The following PARD3B variants were observed in gnomAD, a reference collection of about 807,000 sequenced individuals.
The protein encoded by PARD3B is partitioning defective 3 homolog B.
PARD3B carries 103 observed loss-of-function variants against 130.2 expected under a neutral mutation model. That is an observed-to-expected ratio of 0.79 (90% confidence interval 0.67 to 0.93). The LOEUF (loss-of-function observed/expected upper bound fraction) is 0.93, where lower values mean the gene tolerates loss of function less well. PARD3B is among the 40% of genes least tolerant of loss of function. The pLI is 0.00. For missense variants in PARD3B, 1,609 were observed against 1,499.2 expected (o/e 1.07, Z -1.21); for synonymous variants, 583 against 553.2 (o/e 1.05, Z -0.76).
At chr2:205,012,365 A>G (rs1171518158) in intron 3 of PARD3B, among the ~76,000 whole-genome samples, 1 of 152,158 alleles carries the variant, frequency 6.6e-6, no homozygotes, top group Non-Finnish European at 1.5e-5. Flanking sequence ...TTTCCAATAC[A>G]TATCCTGATA....
rs1181753477 is a variant in PARD3B at position 205,525,136 on chromosome 2, A to T, written c.3180+25105A>T. 6.6e-6 allele frequency among the ~76,000 whole-genome samples: 1 copy of T among 152,206 alleles called. No individual in the cohort carries two copies. ...TTTCTTATTCACACACAGTAAAGCAATGCCTAGCTCATGGTATGACTGGAA... is the reference window on the plus strand; with the variant it reads ...TTTCTTATTCACACACAGTAAAGCATTGCCTAGCTCATGGTATGACTGGAA... On this transcript the variant is annotated intron_variant, in intron 21 of 22. Transcript: ENST00000406610. The surrounding 1 kb of genome is among the most constrained non-coding windows in gnomAD (Gnocchi z 4.2).
chr2:204,973,565 T>A (rs1691890837), intron 3 of PARD3B, among the ~76,000 whole-genome samples: 1 of 130,178 alleles, frequency 7.7e-6, no homozygotes. Context: ...TCCACCCAGA[T>A]GGGCAGGCAA....
chr2:204,716,623 CTTTTT>C (rs35183526), intron 2 of PARD3B, among the ~76,000 whole-genome samples: 3 of 98,100 alleles, frequency 3.1e-5, no homozygotes, highest in Non-Finnish European at 2.2e-5. Context: ...ACAGCAACTG[CTTTTT>C]TTTTTTTTTT....
At chr2:205,518,728 T>G (rs756478181) in intron 21 of PARD3B, among the ~76,000 whole-genome samples, 30 of 152,200 alleles carry the variant, frequency 2.0e-4, no homozygotes, top group Non-Finnish European at 3.5e-4. Flanking sequence ...AGTCTTCCCT[T>G]TCTATATTTA....
At chr2:205,441,693 C>T (rs1335262878) in intron 20 of PARD3B, among the ~76,000 whole-genome samples, 1 of 152,124 alleles carries the variant, frequency 6.6e-6, no homozygotes, top group East Asian at 1.9e-4. Flanking sequence ...TGATATTATG[C>T]ACTTTCAATT....
chr2:205,005,847 T>G (rs1695220186), intron 3 of PARD3B, among the ~76,000 whole-genome samples: 1 of 152,112 alleles, frequency 6.6e-6, no homozygotes, highest in Non-Finnish European at 1.5e-5. Flanking sequence ...GGGGTACAGG[T>G]GGTTTTTGAT....
chr2:204,877,239 G>T (rs1450383063), intron 2 of PARD3B, among the ~76,000 whole-genome samples: 1 of 152,058 alleles, frequency 6.6e-6, no homozygotes, highest in Admixed American at 6.6e-5. Context: ...ACACACCAGG[G>T]CCTGTTGTGG....
In PARD3B at chr2:205,274,996, C is replaced by G. The variant is rs978893036; in HGVS notation, c.2186-25534C>G. Among the ~76,000 whole-genome samples, 1 of 152,030 alleles carries G rather than the reference C, an allele frequency of 6.6e-6. No homozygotes were observed. Among genetic ancestry groups the G allele is most frequent in the Non-Finnish European group, 1.5e-5 (1 of 67,996 alleles). ...TGTGGCTTCAAAGGGCTTTTATTTG[C>G]TTTACTTGCTTCTAGGTTTCTAACT... On this transcript the variant is annotated intron_variant, in intron 16 of 22. Coordinates refer to ENST00000406610, the MANE Select transcript of PARD3B (RefSeq NM_001302769.2). The surrounding 1 kb of genome is among the most constrained non-coding windows in gnomAD (Gnocchi z 4.2).
intron 21 of PARD3B, among the ~76,000 whole-genome samples, chr2:205,529,489 G>A (rs1381899896): frequency 6.6e-6 from 1 of 152,024 alleles, no homozygotes; most frequent in Non-Finnish European, 1.5e-5. Context: ...AGGCCTTTCA[G>A]AGCTCTTAGA....
At chr2:205,168,715 C>T (rs946331958) in intron 11 of PARD3B, among the ~76,000 whole-genome samples, 15 of 149,358 alleles carry the variant, frequency 1.0e-4, no homozygotes, top group African/African-American at 3.7e-4. Flanking sequence ...TGCACAGTTT[C>T]CTGTCTCCAT....
In PARD3B at chr2:205,352,054, A is replaced by G. The variant is rs142247443; in HGVS notation, c.2631-48959A>G. Among the ~76,000 whole-genome samples, 418 of 152,334 alleles carry G rather than the reference A, an allele frequency of 2.7e-3. 1 individual carries two copies. The highest frequency in any genetic ancestry group is 4.8e-3 in the Admixed American group (73 of 15,296). On this transcript the variant is annotated intron_variant, in intron 18 of 22. Transcript: ENST00000406610. This position sits in a 1 kb window ranked among gnomAD's most constrained non-coding sequence, Gnocchi z 5.2. ...GGAGTATTTTAAGATGAATAGTCTT[A>G]CATCCACTAAATTCTACCCAGTTTA...
intron 3 of PARD3B, among the ~76,000 whole-genome samples, chr2:205,037,100 C>T (rs1487271682): frequency 1.6e-5 from 2 of 125,894 alleles, no homozygotes; most frequent in East Asian, 2.1e-4. Context: ...ACATATATAG[C>T]GGACTGTATA....
chr2:205,277,365 C>G (rs555718144), intron 16 of PARD3B, among the ~76,000 whole-genome samples: 26 of 152,326 alleles, frequency 1.7e-4, no homozygotes, highest in African/African-American at 6.0e-4. Flanking sequence ...AATAATAGCA[C>G]TCACATCCAA....
At chr2:205,455,182 T>G (rs2048229871) in intron 20 of PARD3B, among the ~76,000 whole-genome samples, 1 of 152,062 alleles carries the variant, frequency 6.6e-6, no homozygotes, top group African/African-American at 2.4e-5. Flanking sequence ...ATTATTACCA[T>G]CTCTCTGGCT....
intron 11 of PARD3B, among the ~76,000 whole-genome samples, chr2:205,169,078 T>C (rs868658465): frequency 5.3e-4 from 80 of 152,336 alleles, no homozygotes; most frequent in African/African-American, 1.9e-3. Context: ...CTAAGGACCC[T>C]TCCAGCTCTA....
At chr2:204,815,574 G>A (rs898251837) in intron 2 of PARD3B, among the ~76,000 whole-genome samples, 4 of 151,764 alleles carry the variant, frequency 2.6e-5, no homozygotes, top group Non-Finnish European at 4.4e-5. Context: ...TGCTAACTTT[G>A]CCATTCAATT....
chr2:204,602,606 A>C (rs2033558533), intron 1 of PARD3B, among the ~76,000 whole-genome samples: 1 of 151,822 alleles, frequency 6.6e-6, no homozygotes, highest in Non-Finnish European at 1.5e-5. Flanking sequence ...ATTGTCACAG[A>C]CTGTATCCCC....
rs1483773170 is a variant in PARD3B at position 205,014,402 on chromosome 2, C to T, written c.395-33179C>T. Among the ~76,000 whole-genome samples, 6 of 152,078 alleles carry T rather than the reference C, an allele frequency of 3.9e-5. No individual in the cohort carries two copies. The South Asian group carries it at 6.2e-4, about 16-fold the overall frequency. Reference sequence around the variant, plus strand: ...TAGAACTTCTTTCTTATCTATAGTTCCCAGGTACAGAGCAGGAAAGGAGAA... The same window carrying T: ...TAGAACTTCTTTCTTATCTATAGTTTCCAGGTACAGAGCAGGAAAGGAGAA... On this transcript the variant is annotated intron_variant, in intron 3 of 22. Transcript: ENST00000406610.
chr2:205,258,578 A>G lies in PARD3B; in HGVS notation c.2185+12756A>G, dbSNP rs1362345724. Among the ~76,000 whole-genome samples, 1 of 152,210 alleles carries G rather than the reference A, an allele frequency of 6.6e-6. No individual in the cohort carries two copies. Among genetic ancestry groups the G allele is most frequent in the South Asian group, 2.1e-4 (1 of 4,834 alleles). ...TCCCCTACCTCCAGAAGTGAGCTTC[A>G]TGAAGGCAGAGACTTTGTATCCCCA... On this transcript the variant is annotated intron_variant, in intron 16 of 22. Coordinates refer to ENST00000406610, the MANE Select transcript of PARD3B (RefSeq NM_001302769.2). The surrounding 1 kb of genome is among the most constrained non-coding windows in gnomAD (Gnocchi z 4.9).
Sources: gnomAD v4.1 joint callset for allele counts (sites outside exome capture counted in the v4.1 genomes callset) on GRCh38, gnomAD v4.1.1 for gene constraint, Gnocchi (gnomAD v3.1) non-coding constraint, MANE v1.5 for transcripts, NCBI Gene and HGNC (gene_info 2026-07-23, HGNC 2026-07-21) for gene names.